Variants in AKAP8L observed in about 807,000 individuals in gnomAD.
AKAP8L encodes A-kinase anchor protein 8-like.
Under a neutral mutation model 77.5 loss-of-function variants are expected in AKAP8L, and 34 were observed. The observed-to-expected ratio is 0.44, with a 90% CI of 0.33 to 0.58. The LOEUF is 0.58. Among genes scored for constraint, AKAP8L ranks in the 20% least tolerant of loss-of-function variants. AKAP8L has a pLI of 0.02. For synonymous variants in AKAP8L, 342 were observed against 340.7 expected (o/e 1.00, Z -0.04); for missense variants, 806 against 887.6 (o/e 0.91, Z 1.17).
At chr19:15,409,031 A>T (rs775123704) in intron 2 of AKAP8L, among the ~76,000 whole-genome samples, 10 of 152,218 alleles carry the variant, frequency 6.6e-5, no homozygotes, top group Non-Finnish European at 1.5e-4. Flanking sequence ...TGGATCACAG[A>T]CTAAATGTAA....
chr19:15,393,518 A>G (rs916245847), intron 12 of AKAP8L, among the ~76,000 whole-genome samples: 5 of 152,198 alleles, frequency 3.3e-5, no homozygotes, highest in Admixed American at 2.0e-4. Context: ...CAAAGATACA[A>G]AAATGGCCAA....
In AKAP8L at chr19:15,395,706, C is replaced by T. The variant is rs969915041; in HGVS notation, c.1536+1444G>A. 4.0e-5 allele frequency among the ~76,000 whole-genome samples: 6 copies of T among 149,860 alleles called. No individual in the cohort carries two copies. The East Asian group carries it at 8.3e-4, about 21-fold the overall frequency. On this transcript the variant is annotated intron_variant, in intron 12 of 13. Transcript: ENST00000397410. ...CTAGCATAAGAATCTGTTTTTAGGCCGGGCGCGGTGGCTCACGCCTGTAAT... is the reference window on the plus strand; with the variant it reads ...CTAGCATAAGAATCTGTTTTTAGGCTGGGCGCGGTGGCTCACGCCTGTAAT...
intron 2 of AKAP8L, among the ~76,000 whole-genome samples, chr19:15,405,529 CA>C (rs750339175): frequency 2.3e-3 from 313 of 137,796 alleles, no homozygotes; most frequent in African/African-American, 3.8e-3. Context: ...AACTCCATTT[CA>C]AAAAAAAAAA....
chr19:15,393,311 CAT>C (rs1417322725), intron 12 of AKAP8L, among the ~76,000 whole-genome samples: 3 of 152,042 alleles, frequency 2.0e-5, no homozygotes, highest in Admixed American at 6.6e-5. Flanking sequence ...ACACCCAAAG[CAT>C]AAGCAATAAA....
chr19:15,393,970 A>T (rs1166164459), intron 12 of AKAP8L, among the ~76,000 whole-genome samples: 3 of 151,938 alleles, frequency 2.0e-5, no homozygotes, highest in Admixed American at 1.3e-4. Flanking sequence ...CAGGACCCTT[A>T]TATGTTGCTG....
chr19:15,394,531 G>A (rs1290907079), intron 12 of AKAP8L, among the ~76,000 whole-genome samples: 2 of 151,848 alleles, frequency 1.3e-5, no homozygotes, highest in African/African-American at 4.8e-5. Context: ...CCAATGAATT[G>A]GTTTTTTTTT....
At chr19:15,418,409 T>C (rs2145158253) in intron 1 of AKAP8L, among the ~76,000 whole-genome samples, 1 of 143,934 alleles carries the variant, frequency 6.9e-6, no homozygotes, top group Non-Finnish European at 1.5e-5. Context: ...CCCTAGGGCC[T>C]GGCGCCTTTC....
intron 12 of AKAP8L, chr19:15,383,424 T>A (rs1266083660): frequency 6.6e-6 from 1 of 152,194 alleles, no homozygotes; most frequent in Non-Finnish European, 1.5e-5. Flanking sequence ...CAGGAACTCC[T>A]GGGCTCAAGC....
At chr19:15,411,368 T>A (rs998736373) in intron 1 of AKAP8L, among the ~76,000 whole-genome samples, 3 of 152,012 alleles carry the variant, frequency 2.0e-5, no homozygotes, top group Non-Finnish European at 4.4e-5. Context: ...TTATAACAAT[T>A]ATTTCTGGGC....
In AKAP8L at chr19:15,403,732, A is replaced by G; in HGVS notation, c.122-17T>C. The G allele has an allele frequency of 6.5e-7, 1 of 1,544,322 alleles. No individual in the cohort carries two copies. The highest frequency in any genetic ancestry group is 8.8e-7 in the Non-Finnish European group (1 of 1,136,784). Reference sequence around the variant, plus strand: ...CCTCGTAGCCTGCAGTGAGGGAGACAGAGACAGACAGATGGTGGGGGCAGG... The same window carrying G: ...CCTCGTAGCCTGCAGTGAGGGAGACGGAGACAGACAGATGGTGGGGGCAGG... On this transcript the variant is annotated splice_polypyrimidine_tract_variant and intron_variant, in intron 3 of 13. Transcript: ENST00000397410. This position sits in a 1 kb window ranked among gnomAD's most constrained non-coding sequence, Gnocchi z 4.3.
Position 15,399,517 on chromosome 19 carries a change from G to A in AKAP8L, c.1049-107C>T, listed in dbSNP as rs573366710. 4 of 828,930 alleles carry A rather than the reference G, an allele frequency of 4.8e-6. No individual in the cohort carries two copies. The African/African-American group carries it at 6.6e-5, about 14-fold the overall frequency. The allele number at this position is 828,930 out of a possible 1,614,324, so 51.3% of individuals were successfully genotyped here. Reference sequence around the variant, plus strand: ...CTGTCCACTCCAGAGGGTCCATCGAGAATAGCTGTCCAAGCAAGGCCTCTG... The same window carrying A: ...CTGTCCACTCCAGAGGGTCCATCGAAAATAGCTGTCCAAGCAAGGCCTCTG... On this transcript the variant is annotated intron_variant, in intron 8 of 13. Transcript: ENST00000397410. This position sits in a 1 kb window ranked among gnomAD's most constrained non-coding sequence, Gnocchi z 6.1.
intron 12 of AKAP8L, among the ~76,000 whole-genome samples, chr19:15,386,556 A>G (rs865849771): frequency 6.6e-6 from 1 of 152,168 alleles, no homozygotes; most frequent in South Asian, 2.1e-4. Flanking sequence ...AGTGTGATGG[A>G]AACTCCACTC....
At chr19:15,395,304 C>A (rs1967746674) in intron 12 of AKAP8L, among the ~76,000 whole-genome samples, 1 of 150,034 alleles carries the variant, frequency 6.7e-6, no homozygotes. Flanking sequence ...AGTGCCGTGC[C>A]CATTGTTTTG....
At position 15,397,818 on chromosome 19, in the gene AKAP8L, A is replaced by T. The variant is rs772848640; in HGVS notation, c.1195T>A (p.Phe399Ile). 6.2e-7 allele frequency: 1 copy of T among 1,613,922 alleles called. No homozygotes were observed. The highest frequency in any genetic ancestry group is 8.5e-7 in the Non-Finnish European group (1 of 1,179,872). Reference sequence around the variant, plus strand: ...TGGCTGGCCATCTCGTCCTCATAGAAGGTCCGGTATTTGCACAGAGAACAC... The same window carrying T: ...TGGCTGGCCATCTCGTCCTCATAGATGGTCCGGTATTTGCACAGAGAACAC... Reference protein sequence around the residue: ...FVCSLCKYRTFYEDEMASHLD... With the variant: ...FVCSLCKYRTIYEDEMASHLD... The change falls in exon 10 of 14, where the codon TTC becomes ATC. Residue 399 changes from phenylalanine (F) to isoleucine (I), a missense_variant. By Grantham distance (21) the Phe-to-Ile change is conservative. Coordinates refer to ENST00000397410, the MANE Select transcript of AKAP8L (RefSeq NM_014371.4). The surrounding 1 kb of genome is among the most constrained non-coding windows in gnomAD (Gnocchi z 4.7).
chr19:15,398,095 A>G lies in AKAP8L; in HGVS notation c.1158-240T>C, dbSNP rs1599604466. 1.9e-6 allele frequency: 1 copy of G among 532,576 alleles called. No individual in the cohort carries two copies. Among genetic ancestry groups the G allele is most frequent in the Non-Finnish European group, 3.4e-6 (1 of 296,984 alleles). 33.0% of individuals were successfully genotyped at this position (532,576 alleles called of 1,614,324 possible). The stretch of plus-strand genomic sequence containing the variant: ...GGAGGAGCTCTTCCTTCCCACAGGC[A>G]GGAGGCTGAAGCCTGAGACAGCAGC... On this transcript the variant is annotated intron_variant, in intron 9 of 13. Coordinates refer to ENST00000397410, the MANE Select transcript of AKAP8L (RefSeq NM_014371.4). The surrounding 1 kb of genome is among the most constrained non-coding windows in gnomAD (Gnocchi z 9.2).
At chr19:15,407,360 T>C (rs1456371050) in intron 2 of AKAP8L, among the ~76,000 whole-genome samples, 4 of 152,242 alleles carry the variant, frequency 2.6e-5, no homozygotes, top group African/African-American at 9.6e-5. Flanking sequence ...ATTAATATGG[T>C]AGGATCTTGG....
rs1333319044 is a variant in AKAP8L at position 15,403,906 on chromosome 19, T to C, written c.121+104A>G. On this transcript the variant is annotated intron_variant, in intron 3 of 13. Coordinates refer to ENST00000397410, the MANE Select transcript of AKAP8L (RefSeq NM_014371.4). The surrounding 1 kb of genome is among the most constrained non-coding windows in gnomAD (Gnocchi z 4.3). ...TAAGGAGTAGGTAACCCCAGAAACA[T>C]GCCCCCTCCCCACTCCCAACCTTGG... 6.5e-6 allele frequency: 9 copies of C among 1,386,662 alleles called. No individual in the cohort carries two copies. Among genetic ancestry groups the C allele is most frequent in the South Asian group, 4.9e-5 (4 of 81,044 alleles). 85.9% of individuals were successfully genotyped at this position (1,386,662 alleles called of 1,614,324 possible). A position where few individuals can be genotyped will look rare whatever the true frequency, so the allele number is the denominator to read the frequency against.
chr19:15,401,720 G>T lies in AKAP8L; in HGVS notation c.363-117C>A. On this transcript the variant is annotated intron_variant, in intron 4 of 13. Transcript: ENST00000397410. The surrounding 1 kb of genome is among the most constrained non-coding windows in gnomAD (Gnocchi z 6.2). ...GCACCCACCCTGCCCTGGTTGGGAG[G>T]CTCAATGTTCAGAAATGCCGATTAA... 1.2e-6 allele frequency: 1 copy of T among 805,206 alleles called. No individual in the cohort carries two copies. Among genetic ancestry groups the T allele is most frequent in the Non-Finnish European group, 1.9e-6 (1 of 523,736 alleles). 49.9% of individuals were successfully genotyped at this position (805,206 alleles called of 1,614,324 possible). A position where few individuals can be genotyped will look rare whatever the true frequency, so the allele number is the denominator to read the frequency against.
chr19:15,411,333 TC>T (rs1253754176), intron 1 of AKAP8L, among the ~76,000 whole-genome samples: 2 of 152,132 alleles, frequency 1.3e-5, no homozygotes, highest in African/African-American at 4.8e-5. Flanking sequence ...ATTTTGGTTT[TC>T]CCATTAAAAA....
Sources: gnomAD v4.1 joint callset for allele counts (sites outside exome capture counted in the v4.1 genomes callset) on GRCh38, gnomAD v4.1.1 for gene constraint, Gnocchi (gnomAD v3.1) non-coding constraint, MANE v1.5 for transcripts, NCBI Gene and HGNC (gene_info 2026-07-23, HGNC 2026-07-21) for gene names.